The following ZBTB7C variants were observed in gnomAD, a reference collection of about 807,000 sequenced individuals.
The protein encoded by ZBTB7C is zinc finger and BTB domain-containing protein 7C.
In ZBTB7C, 8 loss-of-function variants were observed where a neutral mutation model predicts 25.7. The observed-to-expected ratio is 0.31, with a 90% CI of 0.18 to 0.56. The LOEUF is 0.56. Ranked by LOEUF, ZBTB7C falls within the 20% of genes least tolerant of loss-of-function variation. The probability of loss-of-function intolerance (pLI) is 0.91; values close to 1 mark genes in which losing one functional copy is unlikely to be tolerated. For missense variants in ZBTB7C, 824 were observed against 855.2 expected (o/e 0.96, Z 0.46); for synonymous variants, 394 against 369.0 (o/e 1.07, Z -0.78).
chr18:48,315,898 G>A (rs561890636), intron 2 of ZBTB7C, among the ~76,000 whole-genome samples: 2 of 152,304 alleles, frequency 1.3e-5, no homozygotes, highest in Non-Finnish European at 2.9e-5. Flanking sequence ...TGTGGATGGA[G>A]GATAGCCCTT....
At chr18:48,181,558 C>T (rs1242198713) in intron 3 of ZBTB7C, among the ~76,000 whole-genome samples, 6 of 152,200 alleles carry the variant, frequency 3.9e-5, no homozygotes, top group African/African-American at 1.4e-4. Flanking sequence ...ATGACAATGA[C>T]GGTGAATCAG....
At chr18:48,367,368 AT>A (rs869266042) in intron 1 of ZBTB7C, among the ~76,000 whole-genome samples, 30 of 139,546 alleles carry the variant, frequency 2.1e-4, no homozygotes, top group Middle Eastern at 3.8e-3. Context: ...ATATATATAT[AT>A]ATAAAATACA....
chr18:48,225,552 G>A (rs139966388), intron 2 of ZBTB7C, among the ~76,000 whole-genome samples: 62 of 152,198 alleles, frequency 4.1e-4, no homozygotes, highest in African/African-American at 1.5e-3. Flanking sequence ...CCCTTTTAAT[G>A]TGATTTTGCT....
At chr18:48,174,041 G>A (rs1464543615) in intron 3 of ZBTB7C, among the ~76,000 whole-genome samples, 1 of 152,238 alleles carries the variant, frequency 6.6e-6, no homozygotes, top group Non-Finnish European at 1.5e-5. Context: ...GCACTGTATA[G>A]CCATTAAAAA....
chr18:48,231,105 G>C (rs562027255), intron 2 of ZBTB7C, among the ~76,000 whole-genome samples: 57 of 152,160 alleles, frequency 3.7e-4, no homozygotes, highest in Admixed American at 1.8e-3. Context: ...CAGCCTGGGC[G>C]CACTGGCACT....
intron 3 of ZBTB7C, among the ~76,000 whole-genome samples, chr18:48,056,257 C>T (rs938516991): frequency 1.3e-5 from 2 of 152,160 alleles, no homozygotes; most frequent in African/African-American, 4.8e-5. Flanking sequence ...AGATACAACT[C>T]GTATTTGGAC....
intron 1 of ZBTB7C, among the ~76,000 whole-genome samples, chr18:48,393,752 C>A (rs1159197385): frequency 6.6e-6 from 1 of 152,066 alleles, no homozygotes; most frequent in Non-Finnish European, 1.5e-5. Context: ...ATAATCATAA[C>A]CAACCTGAAA....
chr18:48,082,613 G>A (rs2038033173), intron 3 of ZBTB7C, among the ~76,000 whole-genome samples: 2 of 152,092 alleles, frequency 1.3e-5, no homozygotes, highest in Admixed American at 1.3e-4. Context: ...TTTTACCCCA[G>A]GGAAAGGGAG....
At chr18:48,047,724 CCT>C (rs2036529511) in intron 3 of ZBTB7C, among the ~76,000 whole-genome samples, 1 of 152,134 alleles carries the variant, frequency 6.6e-6, no homozygotes, top group Admixed American at 6.5e-5. Flanking sequence ...ACTGTGCTCC[CCT>C]CTCTCCCTAC....
At chr18:48,242,355 T>G (rs2043552754) in intron 2 of ZBTB7C, among the ~76,000 whole-genome samples, 1 of 152,124 alleles carries the variant, frequency 6.6e-6, no homozygotes, top group South Asian at 2.1e-4. Flanking sequence ...ATGAAGCCAG[T>G]ATCACCCTAA....
intron 3 of ZBTB7C, among the ~76,000 whole-genome samples, chr18:48,084,967 C>T (rs2038139953): frequency 6.6e-6 from 1 of 152,278 alleles, no homozygotes; most frequent in Non-Finnish European, 1.5e-5. Context: ...ACAATCAAAC[C>T]TTCATTCCTT....
intron 3 of ZBTB7C, among the ~76,000 whole-genome samples, chr18:48,139,478 T>C (rs2040275182): frequency 1.3e-5 from 2 of 151,842 alleles, no homozygotes; most frequent in South Asian, 4.2e-4. Flanking sequence ...AGGGTTCCAG[T>C]CCCCGGACTG....
chr18:48,141,156 C>A (rs2040338062), intron 3 of ZBTB7C, among the ~76,000 whole-genome samples: 2 of 143,688 alleles, frequency 1.4e-5, no homozygotes, highest in East Asian at 4.3e-4. Context: ...ACCCCCCCCA[C>A]TGTTCCTTCT....
chr18:48,115,612 T>C (rs969421852), intron 3 of ZBTB7C, among the ~76,000 whole-genome samples: 2 of 152,200 alleles, frequency 1.3e-5, no homozygotes, highest in African/African-American at 2.4e-5. Context: ...GTTCATCTGT[T>C]ACTGGCCACT....
intron 2 of ZBTB7C, among the ~76,000 whole-genome samples, chr18:48,199,912 A>G (rs921747007): frequency 1.3e-5 from 2 of 152,256 alleles, no homozygotes; most frequent in Non-Finnish European, 1.5e-5. Context: ...TCAAAATGAA[A>G]GAAGGCATTC....
At chr18:48,157,773 G>T (rs537088248) in intron 3 of ZBTB7C, among the ~76,000 whole-genome samples, 1 of 152,084 alleles carries the variant, frequency 6.6e-6, no homozygotes, top group African/African-American at 2.4e-5. Context: ...TAGAACACCC[G>T]CTGGCATATA....
chr18:48,360,440 T>G (rs2047078194), intron 1 of ZBTB7C, among the ~76,000 whole-genome samples: 1 of 152,156 alleles, frequency 6.6e-6, no homozygotes, highest in Non-Finnish European at 1.5e-5. Flanking sequence ...CACAGAGCCA[T>G]GACATGCCAC....
chr18:48,160,217 G>C (rs950407405), intron 3 of ZBTB7C, among the ~76,000 whole-genome samples: 1 of 152,132 alleles, frequency 6.6e-6, no homozygotes, highest in Non-Finnish European at 1.5e-5. Context: ...TCAGTGACAA[G>C]GAGCTAGAAT....
intron 3 of ZBTB7C, among the ~76,000 whole-genome samples, chr18:48,169,158 A>G (rs1248394700): frequency 3.9e-5 from 6 of 152,198 alleles, no homozygotes; most frequent in Admixed American, 3.3e-4. Context: ...TTTTCAGGCA[A>G]TGCGGGTTAG....
Sources: gnomAD v4.1 joint callset for allele counts (sites outside exome capture counted in the v4.1 genomes callset) on GRCh38, gnomAD v4.1.1 for gene constraint, MANE v1.5 for transcripts, NCBI Gene and HGNC (gene_info 2026-07-23, HGNC 2026-07-21) for gene names.